The following MDGA2 variants were observed in gnomAD, a reference collection of about 807,000 sequenced individuals.
The protein encoded by MDGA2 is MAM domain-containing glycosylphosphatidylinositol anchor protein 2.
A neutral mutation model predicts 117.8 loss-of-function variants in MDGA2; 40 were observed. That is an observed-to-expected ratio of 0.34 (90% confidence interval 0.26 to 0.44). MDGA2 has a LOEUF of 0.44. Ranked by LOEUF, MDGA2 falls within the 20% of genes least tolerant of loss-of-function variation. The pLI, the probability that MDGA2 is intolerant of heterozygous loss-of-function variation, is 1.00. For missense variants in MDGA2, 1,123 were observed against 1,250.6 expected (o/e 0.90, Z 1.54); for synonymous variants, 452 against 439.0 (o/e 1.03, Z -0.37).
At chr14:46,901,240 G>A (rs1028228559) in intron 10 of MDGA2, among the ~76,000 whole-genome samples, 7 of 151,898 alleles carry the variant, frequency 4.6e-5, no homozygotes, top group South Asian at 4.2e-4. Flanking sequence ...GCCAATTGAC[G>A]AGTTAATGGG....
chr14:46,976,329 A>G (rs1182014861), intron 8 of MDGA2, among the ~76,000 whole-genome samples: 1 of 152,120 alleles, frequency 6.6e-6, no homozygotes, highest in Non-Finnish European at 1.5e-5. Context: ...CAGAACATCA[A>G]TGAACCACTG....
At chr14:47,386,709 G>T (rs7143748) in intron 1 of MDGA2, among the ~76,000 whole-genome samples, 84,111 of 151,786 alleles carry the variant, frequency 0.55, 24,010 homozygotes, top group Middle Eastern at 0.68. Flanking sequence ...ATAATAATAA[G>T]AAGAAGAATC....
chr14:47,490,425 G>A (rs1894145072), intron 1 of MDGA2, among the ~76,000 whole-genome samples: 1 of 152,020 alleles, frequency 6.6e-6, no homozygotes, highest in Non-Finnish European at 1.5e-5. Context: ...TACATTTCAA[G>A]AAAATAAGCC....
chr14:47,233,353 T>C (rs1886752722), intron 2 of MDGA2, among the ~76,000 whole-genome samples: 10 of 152,148 alleles, frequency 6.6e-5, no homozygotes, highest in Admixed American at 6.6e-4. Flanking sequence ...AACCGATATA[T>C]TAAAATCTAT....
At chr14:47,082,994 C>G (rs1240804880) in intron 6 of MDGA2, among the ~76,000 whole-genome samples, 1 of 151,646 alleles carries the variant, frequency 6.6e-6, no homozygotes, top group Non-Finnish European at 1.5e-5. Context: ...GACTGGTGAA[C>G]AAGAAGATGG....
chr14:47,419,592 T>C (rs1892538432), intron 1 of MDGA2, among the ~76,000 whole-genome samples: 1 of 152,290 alleles, frequency 6.6e-6, no homozygotes, highest in African/African-American at 2.4e-5. Flanking sequence ...TCCTTATACA[T>C]TTCTTATACA....
chr14:47,486,115 C>T (rs960319115), intron 1 of MDGA2, among the ~76,000 whole-genome samples: 4 of 152,156 alleles, frequency 2.6e-5, no homozygotes, highest in East Asian at 1.9e-4. Flanking sequence ...CACTCAATGG[C>T]GGTCTGTGAA....
chr14:47,042,123 T>C (rs939596753), intron 7 of MDGA2, among the ~76,000 whole-genome samples: 2 of 151,938 alleles, frequency 1.3e-5, no homozygotes, highest in Non-Finnish European at 2.9e-5. Context: ...TGTTCTCGAG[T>C]AGAATGTATA....
chr14:47,147,550 C>A (rs775023408), intron 3 of MDGA2, among the ~76,000 whole-genome samples: 2 of 152,258 alleles, frequency 1.3e-5, no homozygotes, highest in Admixed American at 6.5e-5. Flanking sequence ...CTACTCCTCG[C>A]TAGGAGACAT....
Position 47,186,372 on chromosome 14 carries a change from G to A in MDGA2, c.595+31649C>T, listed in dbSNP as rs553884655. Among the ~76,000 whole-genome samples, 4 of 151,572 alleles carry A rather than the reference G, an allele frequency of 2.6e-5. No homozygotes were observed. The East Asian group carries it at 7.7e-4, about 29-fold the overall frequency. On this transcript the variant is annotated intron_variant, in intron 3 of 16. Transcript: ENST00000399232. ...TAAATTGCCAAAATAAGACAAACTT[G>A]AAAAAAGAGTAGAAGGGCTTGCCCT...
At chr14:47,056,385 A>AT (rs779271305) in intron 7 of MDGA2, among the ~76,000 whole-genome samples, 6 of 152,084 alleles carry the variant, frequency 3.9e-5, no homozygotes, top group Non-Finnish European at 7.4e-5. Context: ...TTTTGAACAG[A>AT]TTTTCTCAAT....
chr14:47,209,950 G>C (rs1250954480), intron 3 of MDGA2, among the ~76,000 whole-genome samples: 2 of 152,132 alleles, frequency 1.3e-5, no homozygotes, highest in South Asian at 2.1e-4. Flanking sequence ...TTTCTTTCCA[G>C]GGTTTGTCAC....
At chr14:46,912,868 T>A (rs1883758509) in intron 10 of MDGA2, among the ~76,000 whole-genome samples, 1 of 152,160 alleles carries the variant, frequency 6.6e-6, no homozygotes, top group African/African-American at 2.4e-5. Context: ...AATTAGTTTG[T>A]AGGAATGAAG....
At chr14:47,636,784 CAAAAAAAAAAAAAA>C (rs56313968) in intron 1 of MDGA2, among the ~76,000 whole-genome samples, 3 of 46,002 alleles carry the variant, frequency 6.5e-5, no homozygotes, top group East Asian at 7.8e-4. Context: ...GACTCCGTCT[CAAAAAAAAAAAAAA>C]AAAAAAAAAA....
At chr14:47,514,241 C>G (rs183911318) in intron 1 of MDGA2, among the ~76,000 whole-genome samples, 1 of 152,090 alleles carries the variant, frequency 6.6e-6, no homozygotes, top group East Asian at 1.9e-4. Flanking sequence ...CTCCTTTAAA[C>G]AACCGGCCTC....
chr14:46,889,608 T>A (rs914382420), intron 10 of MDGA2, among the ~76,000 whole-genome samples: 4 of 152,120 alleles, frequency 2.6e-5, no homozygotes, highest in South Asian at 4.1e-4. Context: ...TAGTCACTAG[T>A]TCTATTCAGT....
intron 3 of MDGA2, among the ~76,000 whole-genome samples, chr14:47,216,375 T>C (rs1886089538): frequency 6.6e-6 from 1 of 152,148 alleles, no homozygotes; most frequent in Non-Finnish European, 1.5e-5. Flanking sequence ...ATACATGCCA[T>C]CTATTACATA....
At chr14:47,081,714 C>G (rs1462245999) in intron 6 of MDGA2, among the ~76,000 whole-genome samples, 1 of 152,096 alleles carries the variant, frequency 6.6e-6, no homozygotes, top group African/African-American at 2.4e-5. Flanking sequence ...AAAGACATAT[C>G]CATTACCATA....
In MDGA2 at chr14:47,096,926, C is replaced by T. The variant is rs562861913; in HGVS notation, c.1123G>A (p.Gly375Ser). ...TTATTGGCAATGCAGCTGTAAGTAC[C>T]AGCATCATCTGAGGTGATGGCAGGT... ...TIPAITSDDA[G>S]TYSCIANNNV... Residue 375 changes from glycine to serine, a missense_variant, in exon 6 of 17, where the codon GGT becomes AGT. Physicochemically the swap from Gly to Ser is moderately conservative, Grantham distance 56 (BLOSUM62 0). Coordinates refer to ENST00000399232, the MANE Select transcript of MDGA2 (RefSeq NM_001113498.3). 1.9e-6 allele frequency: 3 copies of T among 1,613,090 alleles called. No homozygotes were observed. Among genetic ancestry groups the T allele is most frequent in the Non-Finnish European group, 2.5e-6 (3 of 1,179,440 alleles).
Sources: gnomAD v4.1 joint callset for allele counts (sites outside exome capture counted in the v4.1 genomes callset) on GRCh38, gnomAD v4.1.1 for gene constraint, MANE v1.5 for transcripts, NCBI Gene and HGNC (gene_info 2026-07-23, HGNC 2026-07-21) for gene names.